The following ATP8A2 variants were observed in gnomAD, a reference collection of about 807,000 sequenced individuals.
The protein encoded by ATP8A2 is ATPase phospholipid transporting 8A2.
A neutral mutation model predicts 165.6 loss-of-function variants in ATP8A2; 100 were observed. The observed-to-expected ratio is 0.60, with a 90% CI of 0.51 to 0.71. The LOEUF (loss-of-function observed/expected upper bound fraction) is 0.71. Among genes scored for constraint, ATP8A2 ranks in the 30% least tolerant of loss-of-function variants. The pLI is 0.00. For missense variants in ATP8A2, 1,227 were observed against 1,479.5 expected (o/e 0.83, Z 2.80); for synonymous variants, 543 against 548.8 (o/e 0.99, Z 0.15).
intron 1 of ATP8A2, among the ~76,000 whole-genome samples, chr13:25,443,363 C>G (rs17082319): frequency 0.024 from 3,724 of 152,130 alleles, 144 homozygotes; most frequent in African/African-American, 0.084. Context: ...TAAACGTGAG[C>G]TTTGTTGGAT....
intron 27 of ATP8A2, among the ~76,000 whole-genome samples, chr13:25,814,098 G>GACACACAC (rs59562535): frequency 0.62 from 92,393 of 149,316 alleles, 30,157 homozygotes; most frequent in Non-Finnish European, 0.74. Flanking sequence ...CACACATACA[G>GACACACAC]ACACACACAC....
chr13:25,488,264 T>C (rs551913515), intron 2 of ATP8A2, among the ~76,000 whole-genome samples: 65 of 152,300 alleles, frequency 4.3e-4, no homozygotes, highest in African/African-American at 1.4e-3. Context: ...GTGCAGCCAA[T>C]CTCCAGAAAG....
intron 24 of ATP8A2, among the ~76,000 whole-genome samples, chr13:25,680,703 A>G (rs2419324): frequency 0.91 from 138,939 of 152,244 alleles, 63,616 homozygotes; most frequent in South Asian, 0.95. Context: ...TGCTCTTGTC[A>G]TCCTAAGGCT....
intron 25 of ATP8A2, among the ~76,000 whole-genome samples, chr13:25,719,405 C>T (rs944745772): frequency 6.6e-6 from 1 of 151,702 alleles, no homozygotes; most frequent in African/African-American, 2.4e-5. Flanking sequence ...CTGACATGAA[C>T]ATTGCTTCTT....
intron 33 of ATP8A2, among the ~76,000 whole-genome samples, chr13:25,914,613 G>A (rs1292696510): frequency 6.6e-6 from 1 of 151,988 alleles, no homozygotes; most frequent in Non-Finnish European, 1.5e-5. Flanking sequence ...TGATGTACTG[G>A]TGTGGCCCTG....
At chr13:25,861,822 G>A (rs893630386) in intron 32 of ATP8A2, among the ~76,000 whole-genome samples, 1 of 152,086 alleles carries the variant, frequency 6.6e-6, no homozygotes, top group Non-Finnish European at 1.5e-5. Context: ...TGCTTAAAGG[G>A]GCATTGTTAA....
chr13:25,793,993 G>T (rs1167633565), intron 27 of ATP8A2, among the ~76,000 whole-genome samples: 1 of 152,200 alleles, frequency 6.6e-6, no homozygotes, highest in African/African-American at 2.4e-5. Context: ...GCACAGACAT[G>T]GGGGAGAAGG....
chr13:25,504,559 T>A (rs2036966048), intron 2 of ATP8A2, among the ~76,000 whole-genome samples: 1 of 146,792 alleles, frequency 6.8e-6, no homozygotes, highest in Admixed American at 6.8e-5. Context: ...GCTAACAAGG[T>A]GAAACCCCGT....
chr13:25,586,115 C>T (rs1299265822), intron 23 of ATP8A2, among the ~76,000 whole-genome samples: 1 of 151,992 alleles, frequency 6.6e-6, no homozygotes, highest in Non-Finnish European at 1.5e-5. Flanking sequence ...AGGCATTATC[C>T]CCTTTTAAAG....
chr13:25,707,977 G>A (rs1250143833), intron 25 of ATP8A2, among the ~76,000 whole-genome samples: 1 of 152,166 alleles, frequency 6.6e-6, no homozygotes, highest in Non-Finnish European at 1.5e-5. Context: ...AACACATGGG[G>A]ACCCTTGTGA....
chr13:25,415,447 C>G (rs2034104666), intron 1 of ATP8A2, among the ~76,000 whole-genome samples: 1 of 152,224 alleles, frequency 6.6e-6, no homozygotes, highest in Admixed American at 6.6e-5. Context: ...CTGCTCCCTT[C>G]CTCAACCATT....
intron 27 of ATP8A2, among the ~76,000 whole-genome samples, chr13:25,794,692 A>C (rs1369808023): frequency 6.6e-6 from 1 of 152,156 alleles, no homozygotes; most frequent in Non-Finnish European, 1.5e-5. Context: ...CTATATCTAA[A>C]AATAAATAAG....
At chr13:25,871,890 A>C (rs1952689645) in intron 33 of ATP8A2, among the ~76,000 whole-genome samples, 1 of 152,146 alleles carries the variant, frequency 6.6e-6, no homozygotes, top group African/African-American at 2.4e-5. Context: ...TCAATGCAGG[A>C]TGGAAACTGA....
At chr13:25,949,445 C>T (rs912997316) in intron 33 of ATP8A2, among the ~76,000 whole-genome samples, 1 of 152,270 alleles carries the variant, frequency 6.6e-6, no homozygotes, top group African/African-American at 2.4e-5. Context: ...CAATTTTTCT[C>T]TCCTGGACGG....
At chr13:25,515,445 C>T (rs751747800) in intron 2 of ATP8A2, among the ~76,000 whole-genome samples, 1 of 152,274 alleles carries the variant, frequency 6.6e-6, no homozygotes, top group South Asian at 2.1e-4. Flanking sequence ...CTTCCTGCCT[C>T]GCAGGCCAGG....
At chr13:25,433,943 A>G (rs560788957) in intron 1 of ATP8A2, among the ~76,000 whole-genome samples, 27 of 152,262 alleles carry the variant, frequency 1.8e-4, no homozygotes, top group African/African-American at 6.0e-4. Flanking sequence ...GGACATAAAG[A>G]TGGAAATAAT....
At chr13:25,594,708 G>A (rs2138329405) in intron 24 of ATP8A2, among the ~76,000 whole-genome samples, 1 of 152,200 alleles carries the variant, frequency 6.6e-6, no homozygotes. Flanking sequence ...TGGAATAATA[G>A]TCTCCAATCT....
At chr13:25,674,909 G>A (rs1245220811) in intron 24 of ATP8A2, among the ~76,000 whole-genome samples, 2 of 152,198 alleles carry the variant, frequency 1.3e-5, no homozygotes, top group Admixed American at 6.5e-5. Context: ...TTTGAACATA[G>A]CAGGTTTGCT....
At chr13:25,600,184 T>C (rs1160330079) in intron 24 of ATP8A2, among the ~76,000 whole-genome samples, 3 of 152,220 alleles carry the variant, frequency 2.0e-5, no homozygotes, top group African/African-American at 7.2e-5. Flanking sequence ...TAAAGTTTCA[T>C]TGAACACAGA....
Sources: allele counts gnomAD v4.1 joint callset (sites outside exome capture counted in the v4.1 genomes callset), GRCh38; gene constraint gnomAD v4.1.1; transcripts MANE v1.5; gene names NCBI Gene and HGNC (gene_info 2026-07-23, HGNC 2026-07-21).